NINL: variants seen among roughly 807,000 people sequenced by gnomAD.
NINL encodes ninein like.
In NINL, 153 loss-of-function variants were observed where a neutral mutation model predicts 160.3. The observed-to-expected ratio is 0.95, with a 90% CI of 0.84 to 1.09. The LOEUF is 1.09. NINL is among the 50% of genes least tolerant of loss of function. The pLI is 0.00. For synonymous variants in NINL, 800 were observed against 734.8 expected, an observed-to-expected ratio of 1.09 and a Z score of -1.43; for missense variants, 1,829 against 1,764.0, an observed-to-expected ratio of 1.04 and a Z score of -0.66.
chr20:25,488,552 T>G (rs1371996005), intron 13 of NINL, among the ~76,000 whole-genome samples: 3 of 151,834 alleles, frequency 2.0e-5, no homozygotes, highest in Non-Finnish European at 2.9e-5. Flanking sequence ...TCGGGGCACG[T>G]GGCAGTTCCA....
chr20:25,579,169 G>T (rs1483540458), intron 1 of NINL, among the ~76,000 whole-genome samples: 1 of 152,120 alleles, frequency 6.6e-6, no homozygotes, highest in Non-Finnish European at 1.5e-5. Flanking sequence ...ACCCCACTGT[G>T]TTGGGAGGCA....
At position 25,548,562 on chromosome 20, in the gene NINL, C is replaced by T. The variant is rs576833216; in HGVS notation, c.-11-21964G>A. On this transcript the variant is annotated intron_variant, in intron 1 of 23. Coordinates refer to ENST00000278886, the MANE Select transcript of NINL (RefSeq NM_025176.6). ...ACCCAGCCTCACCCACGGCTGACCCCGGCACCCGTGGCCACAGCTCCCACA... is the reference window on the plus strand; with the variant it reads ...ACCCAGCCTCACCCACGGCTGACCCTGGCACCCGTGGCCACAGCTCCCACA... 2.6e-3 allele frequency among the ~76,000 whole-genome samples: 390 copies of T among 151,806 alleles called. 3 individuals are homozygous for T. The highest frequency in any genetic ancestry group is 9.0e-3 in the African/African-American group (370 of 41,338).
At chr20:25,469,723 G>A (rs1397202894) in intron 18 of NINL, among the ~76,000 whole-genome samples, 1 of 152,148 alleles carries the variant, frequency 6.6e-6, no homozygotes, top group African/African-American at 2.4e-5. Context: ...GGCTCTGCTC[G>A]CAGTCCCGAC....
chr20:25,538,602 C>T (rs551789441), intron 1 of NINL, among the ~76,000 whole-genome samples: 11 of 152,300 alleles, frequency 7.2e-5, no homozygotes, highest in African/African-American at 2.6e-4. Context: ...CCTCTGCTCC[C>T]AGGCATGGAC....
At chr20:25,496,138 T>A (rs2063748034) in intron 10 of NINL, among the ~76,000 whole-genome samples, 1 of 152,084 alleles carries the variant, frequency 6.6e-6, no homozygotes, top group Non-Finnish European at 1.5e-5. Flanking sequence ...AGAGGGAGAC[T>A]CCATCTCAAA....
At chr20:25,547,911 C>T (rs1025795835) in intron 1 of NINL, among the ~76,000 whole-genome samples, 10 of 152,182 alleles carry the variant, frequency 6.6e-5, no homozygotes, top group Non-Finnish European at 1.5e-4. Context: ...AAAGTTTTAA[C>T]GTGCATTTCC....
In NINL at chr20:25,503,912, C is replaced by T. The variant is rs58770056; in HGVS notation, c.861+40G>A. On this transcript the variant is annotated intron_variant, in intron 7 of 23. Coordinates refer to ENST00000278886, the MANE Select transcript of NINL (RefSeq NM_025176.6). ...AGTTTTAGTCACCAGAGAGTGACAG[C>T]AGTGGTTGCTGGGTTCAGGATTTAA... is the stretch of plus-strand genomic sequence containing the variant. The T allele has an allele frequency of 6.2e-5, 100 of 1,612,506 alleles. 1 individual carries two copies. In the African/African-American group the frequency reaches 1.2e-3, roughly 19 times the overall value.
intron 7 of NINL, among the ~76,000 whole-genome samples, chr20:25,501,948 G>C (rs1440561432): frequency 2.0e-5 from 3 of 151,848 alleles, no homozygotes; most frequent in African/African-American, 4.8e-5. Context: ...TTTTTCACCA[G>C]GTTTCTAAAT....
chr20:25,489,827 C>T, intron 12 of NINL, 48 bp downstream of exon 12: 1 of 1,558,644 alleles, frequency 6.4e-7, no homozygotes, highest in Non-Finnish European at 8.8e-7. Context: ...CCCACTCTGC[C>T]CAGCAGGCCC....
chr20:25,554,684 G>A (rs2147108925), intron 1 of NINL, among the ~76,000 whole-genome samples: 1 of 149,824 alleles, frequency 6.7e-6, no homozygotes, highest in South Asian at 2.1e-4. Context: ...ATGGGGGTCT[G>A]TAGTCCTAGC....
At chr20:25,524,649 G>A (rs1010692740) in intron 2 of NINL, among the ~76,000 whole-genome samples, 2 of 152,138 alleles carry the variant, frequency 1.3e-5, no homozygotes, top group African/African-American at 4.8e-5. Context: ...TAACCCAAGC[G>A]AATTTCTCTC....
At chr20:25,498,092 A>G (rs2063794262) in intron 9 of NINL, 118 bp downstream of exon 9, 2 of 1,244,088 alleles carry the variant, frequency 1.6e-6, no homozygotes, top group Non-Finnish European at 2.3e-6. Flanking sequence ...GCCCTGCCCC[A>G]GGACTGGCCA....
intron 17 of NINL, among the ~76,000 whole-genome samples, chr20:25,471,986 A>G (rs577779001): frequency 6.6e-6 from 1 of 152,266 alleles, no homozygotes; most frequent in South Asian, 2.1e-4. Context: ...ATTAGACACA[A>G]ACTAAAAATA....
At chr20:25,547,849 C>T (rs2064754680) in intron 1 of NINL, among the ~76,000 whole-genome samples, 1 of 152,172 alleles carries the variant, frequency 6.6e-6, no homozygotes, top group African/African-American at 2.4e-5. Flanking sequence ...TTCATACACG[C>T]TGATGGGAAA....
At chr20:25,521,234 T>G (rs978422941) in intron 2 of NINL, among the ~76,000 whole-genome samples, 4 of 152,242 alleles carry the variant, frequency 2.6e-5, no homozygotes, top group African/African-American at 9.6e-5. Flanking sequence ...TGCTTCTATT[T>G]AGTTTTAAAT....
chr20:25,491,361 A>C lies in NINL; in HGVS notation c.1475T>G (p.Leu492Arg). 3 of 1,608,286 alleles carry C rather than the reference A, an allele frequency of 1.9e-6. No homozygotes were observed. The South Asian group carries it at 3.3e-5, about 18-fold the overall frequency. ...EEAGLREKLT[L>R]ALKENSRLQK... is the part of the protein sequence containing the mutation. ...TGGGGATGCCCCTACCTTCAGGGCC[A>C]GGGTCAGCTTCTCGCGGAGGCCAGC... Residue 492 changes from leucine (L) to arginine (R), a missense_variant, in exon 11 of 24, where the codon CTG (leucine) becomes CGG (arginine). Leu to Arg is a moderately radical substitution (Grantham distance 102). Transcript: ENST00000278886.
In NINL at chr20:25,491,523, T is replaced by A. The variant is rs772025187; in HGVS notation, c.1313A>T (p.His438Leu). 1.2e-6 allele frequency: 2 copies of A among 1,613,432 alleles called. No individual in the cohort carries two copies. Among genetic ancestry groups the A allele is most frequent in the East Asian group, 2.2e-5 (1 of 44,844 alleles). The change falls in exon 11 of 24, where the codon CAT becomes CTT. Residue 438 changes from histidine (H) to leucine (L), a missense_variant and splice_region_variant. By Grantham distance (99) the His-to-Leu change is moderately conservative (BLOSUM62 -3). Coordinates refer to ENST00000278886, the MANE Select transcript of NINL (RefSeq NM_025176.6). ...CCTTTCCCGGTACCCCTGCTCCAGATGCCTGTAACATGTCACACATCACAC... is the reference window on the plus strand; with the variant it reads ...CCTTTCCCGGTACCCCTGCTCCAGAAGCCTGTAACATGTCACACATCACAC... ...LEQLTEKKIK[H>L]LEQGYRERLS... is the part of the protein sequence containing the mutation.
chr20:25,552,021 G>C (rs1348742810), intron 1 of NINL, among the ~76,000 whole-genome samples: 1 of 152,166 alleles, frequency 6.6e-6, no homozygotes, highest in Non-Finnish European at 1.5e-5. Flanking sequence ...CTGGGACCTG[G>C]CTTATGTCTA....
At chr20:25,483,618 C>A (rs909922731) in intron 13 of NINL, among the ~76,000 whole-genome samples, 1 of 152,272 alleles carries the variant, frequency 6.6e-6, no homozygotes, top group African/African-American at 2.4e-5. Flanking sequence ...AGGTGGAGGC[C>A]GCGTGGGCGG....
Sources: allele counts gnomAD v4.1 joint callset (sites outside exome capture counted in the v4.1 genomes callset), GRCh38; gene constraint gnomAD v4.1.1; transcripts MANE v1.5; gene names NCBI Gene and HGNC (gene_info 2026-07-23, HGNC 2026-07-21).